SCN1B: variants seen among roughly 807,000 people sequenced by gnomAD.
SCN1B encodes the protein sodium channel regulatory subunit beta-1.
A neutral mutation model predicts 25.7 loss-of-function variants in SCN1B; 11 were observed. The observed-to-expected ratio is 0.43, with a 90% CI of 0.27 to 0.71. SCN1B has a LOEUF of 0.71. SCN1B is among the 30% of genes least tolerant of loss of function. The probability of loss-of-function intolerance (pLI) is 0.21; values close to 1 mark genes in which losing one functional copy is unlikely to be tolerated. For synonymous variants in SCN1B, 119 were observed against 117.5 expected (o/e 1.01, Z -0.08); for missense variants, 224 against 291.5 (o/e 0.77, Z 1.69).
At position 35,032,405 on chromosome 19, in the gene SCN1B, C is replaced by A; in HGVS notation, c.41-123C>A. ...AGGTCACGCAGTGAGTGACAGGGCT[C>A]AGCCTAGCATCCAGTCCTGTCTGCT... On this transcript the variant is annotated intron_variant, in intron 1 of 5. Coordinates refer to ENST00000262631, the MANE Select transcript of SCN1B (RefSeq NM_001037.5). This position sits in a 1 kb window ranked among gnomAD's most constrained non-coding sequence, Gnocchi z 4.3. The A allele has an allele frequency of 8.8e-7, 1 of 1,133,998 alleles. No homozygotes were observed. Among genetic ancestry groups the A allele is most frequent in the Non-Finnish European group, 1.3e-6 (1 of 771,944 alleles). The allele number at this position is 1,133,998 out of a possible 1,614,324, so 70.2% of individuals were successfully genotyped here. A position where few individuals can be genotyped will look rare whatever the true frequency, so the allele number is the denominator to read the frequency against.
chr19:35,038,829 T>C, intron 3 of SCN1B: 1 of 477,498 alleles, frequency 2.1e-6, no homozygotes, highest in South Asian at 2.0e-5. Flanking sequence ...AGCTGGCCAG[T>C]GGCAGAGCCA....
At position 35,039,773 on chromosome 19, in the gene SCN1B, T is replaced by A; in HGVS notation, c.*6-24T>A. ...GGCCGAAGTCCCCCAGGTCCCTAAT[T>A]CCCCCTCTCTTGCTCCCCTTCAGGC... On this transcript the variant is annotated intron_variant, in intron 5 of 5. Transcript: ENST00000262631. 2.7e-6 allele frequency: 4 copies of A among 1,497,548 alleles called. 1 individual carries two copies. In the South Asian group the frequency reaches 4.6e-5, roughly 17 times the overall value. 92.8% of individuals were successfully genotyped at this position (1,497,548 alleles called of 1,614,324 possible).
rs960496003 is a variant in SCN1B at position 35,039,426 on chromosome 19, C to A, written c.590+168C>A. On this transcript the variant is annotated intron_variant, in intron 4 of 5. Transcript: ENST00000262631. ...CTGTCAGACACAGGATAGGGGTCGTCAGACCCAGCCCCTTCCTCCCTCCAA... is the reference window on the plus strand; with the variant it reads ...CTGTCAGACACAGGATAGGGGTCGTAAGACCCAGCCCCTTCCTCCCTCCAA... The A allele has an allele frequency of 1.0e-4, 110 of 1,054,302 alleles. 3 individuals carry two copies. The East Asian group carries it at 2.7e-3, about 26-fold the overall frequency. 65.3% of individuals were successfully genotyped at this position (1,054,302 alleles called of 1,614,324 possible).
rs1449954294 is a variant in SCN1B, at chr19:35,033,972, G to A, written c.448+233G>A. ...TGCCTGTCCCCCACAGACGCTCCGG[G>A]TACAGAACCCAGCTCTGTCACCTGT... is the stretch of plus-strand genomic sequence containing the variant. On this transcript the variant is annotated intron_variant, in intron 3 of 5. Coordinates refer to ENST00000262631, the MANE Select transcript of SCN1B (RefSeq NM_001037.5). 5 of 1,551,996 alleles carry A rather than the reference G, an allele frequency of 3.2e-6. No homozygotes were observed. The highest frequency in any genetic ancestry group is 1.2e-5 in the South Asian group (1 of 84,254).
At chr19:35,034,791 C>G (rs2151747002) in intron 3 of SCN1B, 1 of 152,514 alleles carries the variant, frequency 6.6e-6, no homozygotes, top group Admixed American at 6.5e-5. Context: ...AACCAAGGCT[C>G]AGGGAGGGAA....
intron 3 of SCN1B, chr19:35,036,479 A>C (rs1325365452): frequency 6.6e-6 from 1 of 152,134 alleles, no homozygotes; most frequent in Non-Finnish European, 1.5e-5. Context: ...TCTGTCACCC[A>C]GGCAGGCTGG....
intron 3 of SCN1B, chr19:35,038,111 C>G (rs2064259659): frequency 6.6e-6 from 1 of 152,152 alleles, no homozygotes; most frequent in Non-Finnish European, 1.5e-5. Context: ...CCAGAAAGCA[C>G]TGGTGCCATC....
At chr19:35,033,940 C>G in intron 3 of SCN1B, 1 of 1,556,528 alleles carries the variant, frequency 6.4e-7, no homozygotes, top group Non-Finnish European at 8.7e-7. Flanking sequence ...ACGGAGAGGT[C>G]AAAGCATGCC....
chr19:35,038,910 A>G (rs2064264752), intron 3 of SCN1B: 1 of 627,406 alleles, frequency 1.6e-6, no homozygotes, highest in Non-Finnish European at 2.9e-6. Context: ...CTCCAGAATG[A>G]CACAGATGTG....
chr19:35,034,177 G>A, intron 3 of SCN1B: 1 of 1,542,836 alleles, frequency 6.5e-7, no homozygotes, highest in Non-Finnish European at 8.8e-7. Context: ...CCTTGCAGGT[G>A]GTGGCGAGGG....
rs375583108 is a variant in SCN1B at position 35,032,064 on chromosome 19, C to T, written c.41-464C>T. On this transcript the variant is annotated intron_variant, in intron 1 of 5. Coordinates refer to ENST00000262631, the MANE Select transcript of SCN1B (RefSeq NM_001037.5). The surrounding 1 kb of genome is among the most constrained non-coding windows in gnomAD (Gnocchi z 4.3). ...CACCCCCAGACCTTTTCTCCCAACC[C>T]ATTTCTCCTGGAGCTAGCTGGTTTT... Among the ~76,000 whole-genome samples the T allele has an allele frequency of 6.6e-5, 10 of 152,248 alleles. No individual in the cohort carries two copies. Among genetic ancestry groups the T allele is most frequent in the Non-Finnish European group, 1.3e-4 (9 of 68,004 alleles).
Position 35,033,593 on chromosome 19 carries a change from T to A in SCN1B, c.302T>A (p.Leu101Gln). 1 of 1,614,092 alleles carries A rather than the reference T, an allele frequency of 6.2e-7. No individual in the cohort carries two copies. Among genetic ancestry groups the A allele is most frequent in the Non-Finnish European group, 8.5e-7 (1 of 1,179,976 alleles). The change falls in exon 3 of 6, where the codon CTG becomes CAG. Residue 101 changes from leucine (L) to glutamine (Q), a missense_variant. Leu to Gln is a moderately radical substitution (Grantham distance 113). This residue lies in a region of SCN1B where 126 missense variants were observed against 204.9 expected (regional missense o/e 0.61). Transcript: ENST00000262631. ...VWNGSRGTKD[L>Q]QDLSIFITNV... ...AATGGCAGCCGGGGCACCAAAGACC[T>A]GCAGGATCTGTCTATCTTCATCACC...
rs2064217960 is a variant in SCN1B, at chr19:35,032,182, G to A, written c.41-346G>A. 6.6e-6 allele frequency among the ~76,000 whole-genome samples: 1 copy of A among 152,220 alleles called. No individual in the cohort carries two copies. The highest frequency in any genetic ancestry group is 2.1e-4 in the South Asian group (1 of 4,832). ...CTAGATGCTTGGGTTCCTCCAGCAA[G>A]GGACTTTCTGAGGAAGGGGCACTCG... On this transcript the variant is annotated intron_variant, in intron 1 of 5. Coordinates refer to ENST00000262631, the MANE Select transcript of SCN1B (RefSeq NM_001037.5). The surrounding 1 kb of genome is among the most constrained non-coding windows in gnomAD (Gnocchi z 4.3).
Position 35,032,439 on chromosome 19 carries a change from T to A in SCN1B, c.41-89T>A. ...ATCCAGTCCTGTCTGCTGGTAATCATTGAGGGGGGAACAGATGGTTTGTGA... is the reference window on the plus strand; with the variant it reads ...ATCCAGTCCTGTCTGCTGGTAATCAATGAGGGGGGAACAGATGGTTTGTGA... On this transcript the variant is annotated intron_variant, in intron 1 of 5. Transcript: ENST00000262631. This position sits in a 1 kb window ranked among gnomAD's most constrained non-coding sequence, Gnocchi z 4.3. 1 of 1,491,858 alleles carries A rather than the reference T, an allele frequency of 6.7e-7. No individual in the cohort carries two copies. The highest frequency in any genetic ancestry group is 1.1e-5 in the South Asian group (1 of 87,934). 92.4% of individuals were successfully genotyped at this position (1,491,858 alleles called of 1,614,324 possible). A position where few individuals can be genotyped will look rare whatever the true frequency, so the allele number is the denominator to read the frequency against.
At position 35,032,614 on chromosome 19, in the gene SCN1B, T is replaced by G; in HGVS notation, c.127T>G (p.Cys43Gly). ...GMTFKILCIS[C>G]KRRSETNAET... ...GACCTTCAAAATTCTTTGCATCTCC[T>G]GCAAGCGCCGCAGCGAGACCAACGC... Residue 43 changes from cysteine to glycine, a missense_variant, in exon 2 of 6, where the codon TGC becomes GGC. By Grantham distance (159) the Cys-to-Gly change is radical. Transcript: ENST00000262631. This position sits in a 1 kb window ranked among gnomAD's most constrained non-coding sequence, Gnocchi z 4.3. The G allele has an allele frequency of 6.2e-7, 1 of 1,614,194 alleles. No individual in the cohort carries two copies. The highest frequency in any genetic ancestry group is 8.5e-7 in the Non-Finnish European group (1 of 1,180,040).
At chr19:35,034,135 A>G in intron 3 of SCN1B, 1 of 1,551,216 alleles carries the variant, frequency 6.4e-7, no homozygotes, top group Non-Finnish European at 8.7e-7. Flanking sequence ...AGGATTGAGC[A>G]GCTGCAGGCA....
chr19:35,030,759 C>A lies in SCN1B; in HGVS notation c.-62C>A. 1 of 559,164 alleles carries A rather than the reference C, an allele frequency of 1.8e-6. No individual in the cohort carries two copies. The highest frequency in any genetic ancestry group is 2.8e-6 in the Non-Finnish European group (1 of 354,980). 34.6% of individuals were successfully genotyped at this position (559,164 alleles called of 1,614,324 possible). A position where few individuals can be genotyped will look rare whatever the true frequency, so the allele number is the denominator to read the frequency against. On this transcript the variant is annotated 5_prime_UTR_variant, in exon 1 of 6. Transcript: ENST00000262631. ...TTCTAACCGCCGCCAGGTCCCGCCG[C>A]CTCTCGCCCCGCTATTAATACCGGC...
chr19:35,032,541 CG>C lies in SCN1B; in HGVS notation c.59del (p.Gly20AlafsTer15). The C allele has an allele frequency of 6.2e-7, 1 of 1,613,760 alleles. No homozygotes were observed. The stretch of plus-strand genomic sequence containing the variant: ...CTGTCCCCACAGTGTCCTCAGCCTG[CG>C]GGGGCTGCGTGGAGGTGGACTCGGA... ...VGAALVSSAC[G>X]GCVEVDSETE... On this transcript the variant is annotated frameshift_variant, in exon 2 of 6. Coordinates refer to ENST00000262631, the MANE Select transcript of SCN1B (RefSeq NM_001037.5). LOFTEE classifies it high-confidence loss of function. The surrounding 1 kb of genome is among the most constrained non-coding windows in gnomAD (Gnocchi z 4.3).
Position 35,030,776 on chromosome 19 carries a change from A to G in SCN1B, c.-45A>G. 2 of 794,288 alleles carry G rather than the reference A, an allele frequency of 2.5e-6. No homozygotes were observed. The highest frequency in any genetic ancestry group is 3.5e-6 in the Non-Finnish European group (2 of 573,270). The allele number at this position is 794,288 out of a possible 1,614,324, so 49.2% of individuals were successfully genotyped here. On this transcript the variant is annotated 5_prime_UTR_variant, in exon 1 of 6. Coordinates refer to ENST00000262631, the MANE Select transcript of SCN1B (RefSeq NM_001037.5). The stretch of plus-strand genomic sequence containing the variant: ...TCCCGCCGCCTCTCGCCCCGCTATT[A>G]ATACCGGCGGCCCGGGAGGGGGGCG...
Sources: allele counts gnomAD v4.1 joint callset (sites outside exome capture counted in the v4.1 genomes callset), GRCh38; gene constraint gnomAD v4.1.1; regional missense constraint gnomAD v4.1.1; non-coding constraint Gnocchi (gnomAD v3.1); transcripts MANE v1.5; gene names NCBI Gene and HGNC (gene_info 2026-07-23, HGNC 2026-07-21).